Variants in CTNNA3 observed in about 807,000 individuals in gnomAD.
The protein encoded by CTNNA3 is catenin alpha 3, also known as catenin alpha-3.
In CTNNA3, 76 loss-of-function variants were observed where a neutral mutation model predicts 95.7. The ratio of observed to expected loss-of-function variants is 0.79; its 90% confidence interval spans 0.66 to 0.96. The LOEUF (loss-of-function observed/expected upper bound fraction) is 0.96, where lower values mean the gene tolerates loss of function less well. CTNNA3 is among the 40% of genes least tolerant of loss of function. The pLI, the probability that CTNNA3 is intolerant of heterozygous loss-of-function variation, is 0.00. For missense variants in CTNNA3, 1,191 were observed against 1,089.8 expected, an observed-to-expected ratio of 1.09 and a Z score of -1.31; for synonymous variants, 431 against 374.4, an observed-to-expected ratio of 1.15 and a Z score of -1.74.
chr10:67,647,394 T>G, intron 2 of CTNNA3, 21 bp downstream of exon 2: 1 of 1,552,938 alleles, frequency 6.4e-7, no homozygotes. Flanking sequence ...CTATATATCA[T>G]AATTTCCATG....
At chr10:66,142,708 T>C (rs2083682178) in intron 13 of CTNNA3, among the ~76,000 whole-genome samples, 1 of 152,060 alleles carries the variant, frequency 6.6e-6, no homozygotes, top group African/African-American at 2.4e-5. Flanking sequence ...AAAACTGATA[T>C]ATTTCAAAGA....
chr10:67,334,039 A>G (rs1841895307), intron 5 of CTNNA3: 2 of 152,202 alleles, frequency 1.3e-5, no homozygotes. Flanking sequence ...ACAGTCTATA[A>G]AGCATATTTT....
intron 12 of CTNNA3, among the ~76,000 whole-genome samples, chr10:66,284,339 A>G (rs577708781): frequency 1.3e-5 from 2 of 152,068 alleles, no homozygotes; most frequent in East Asian, 3.9e-4. Flanking sequence ...TGATTTACCT[A>G]TGAGGAAACT....
In CTNNA3 at chr10:66,991,084, T is replaced by C. The variant is rs16923903; in HGVS notation, c.1047+189233A>G. 0.023 allele frequency among the ~76,000 whole-genome samples: 3,540 copies of C among 152,200 alleles called. 292 individuals are homozygous for C. In the East Asian group the frequency reaches 0.29, roughly 13 times the overall value. On this transcript the variant is annotated intron_variant, in intron 7 of 17. Coordinates refer to ENST00000433211, the MANE Select transcript of CTNNA3 (RefSeq NM_013266.4). Reference sequence around the variant, plus strand: ...ACGCTGCAGAAGAACCTTCAGAAAATAACCTCTGACCTTGAAGAACAGATG... The same window carrying C: ...ACGCTGCAGAAGAACCTTCAGAAAACAACCTCTGACCTTGAAGAACAGATG...
intron 1 of CTNNA3, among the ~76,000 whole-genome samples, chr10:67,738,712 G>T (rs984167995): frequency 3.3e-5 from 5 of 151,930 alleles, no homozygotes; most frequent in Non-Finnish European, 7.4e-5. Flanking sequence ...TAGACGAATG[G>T]CTAACTAGAA....
intron 15 of CTNNA3, among the ~76,000 whole-genome samples, chr10:65,990,159 T>C (rs1053482459): frequency 3.3e-5 from 5 of 151,786 alleles, no homozygotes; most frequent in African/African-American, 1.2e-4. Context: ...TTTCACATCT[T>C]TGCTATTGTG....
intron 7 of CTNNA3, among the ~76,000 whole-genome samples, chr10:67,020,193 C>A (rs1852916067): frequency 6.6e-6 from 1 of 152,036 alleles, no homozygotes; most frequent in African/African-American, 2.4e-5. Flanking sequence ...ATGGGTGAGC[C>A]ACCTCAATCT....
intron 7 of CTNNA3, among the ~76,000 whole-genome samples, chr10:66,857,340 C>T (rs955581593): frequency 6.6e-6 from 1 of 151,498 alleles, no homozygotes; most frequent in African/African-American, 2.4e-5. Context: ...TAATGTGATG[C>T]CTCCAGCTTT....
At chr10:66,195,039 A>C (rs2086881078) in intron 13 of CTNNA3, among the ~76,000 whole-genome samples, 1 of 152,174 alleles carries the variant, frequency 6.6e-6, no homozygotes, top group Non-Finnish European at 1.5e-5. Context: ...AAATGACATT[A>C]AATAATTTAG....
At chr10:66,080,893 C>T (rs1183087595) in intron 14 of CTNNA3, among the ~76,000 whole-genome samples, 1 of 152,144 alleles carries the variant, frequency 6.6e-6, no homozygotes, top group Non-Finnish European at 1.5e-5. Flanking sequence ...TTCTTGATAA[C>T]TACATTTCAG....
At chr10:67,603,266 T>TCATG (rs1329858667) in intron 3 of CTNNA3, among the ~76,000 whole-genome samples, 2 of 152,152 alleles carry the variant, frequency 1.3e-5, no homozygotes, top group Admixed American at 6.6e-5. Context: ...GGGAATAAGG[T>TCATG]CATGTTTTGC....
At chr10:66,174,122 G>A (rs1399031408) in intron 13 of CTNNA3, among the ~76,000 whole-genome samples, 1 of 152,100 alleles carries the variant, frequency 6.6e-6, no homozygotes, top group Non-Finnish European at 1.5e-5. Context: ...AAGAAACTGA[G>A]GCATAGCAAA....
intron 7 of CTNNA3, among the ~76,000 whole-genome samples, chr10:66,800,188 C>A (rs1841377107): frequency 6.6e-6 from 1 of 151,316 alleles, no homozygotes. Flanking sequence ...ATAAATCATT[C>A]TAGTAATAAT....
At chr10:66,572,024 T>C (rs936514433) in intron 10 of CTNNA3, among the ~76,000 whole-genome samples, 6 of 151,798 alleles carry the variant, frequency 4.0e-5, no homozygotes, top group African/African-American at 1.5e-4. Flanking sequence ...CCTCCAGAGA[T>C]TCCAAAACTT....
chr10:66,801,855 A>G (rs1841445233), intron 7 of CTNNA3, among the ~76,000 whole-genome samples: 1 of 151,694 alleles, frequency 6.6e-6, no homozygotes, highest in South Asian at 2.1e-4. Flanking sequence ...AAGACTTCCT[A>G]TAAAACTACA....
intron 7 of CTNNA3, among the ~76,000 whole-genome samples, chr10:66,931,440 A>AT (rs1482020106): frequency 1.3e-5 from 2 of 152,282 alleles, no homozygotes; most frequent in East Asian, 3.9e-4. Flanking sequence ...TTTTCCAAGG[A>AT]CGTTGACATT....
At chr10:66,683,555 A>G (rs1847142372) in intron 9 of CTNNA3, among the ~76,000 whole-genome samples, 1 of 152,200 alleles carries the variant, frequency 6.6e-6, no homozygotes, top group South Asian at 2.1e-4. Flanking sequence ...ACCAAATGAC[A>G]CTGCAGATCT....
intron 9 of CTNNA3, among the ~76,000 whole-genome samples, chr10:66,622,894 T>C (rs1844800865): frequency 6.6e-6 from 1 of 152,156 alleles, no homozygotes; most frequent in South Asian, 2.1e-4. Flanking sequence ...TTTCTTTTAA[T>C]ATGCCAATAG....
intron 3 of CTNNA3, among the ~76,000 whole-genome samples, chr10:67,598,568 A>G (rs1842992057): frequency 6.6e-6 from 1 of 152,132 alleles, no homozygotes; most frequent in African/African-American, 2.4e-5. Context: ...TGAACCCTGT[A>G]GTCAGCTATC....
Sources: gnomAD v4.1 joint callset for allele counts (sites outside exome capture counted in the v4.1 genomes callset) on GRCh38, gnomAD v4.1.1 for gene constraint, MANE v1.5 for transcripts, NCBI Gene and HGNC (gene_info 2026-07-23, HGNC 2026-07-21) for gene names.